XKR9: variants seen among roughly 807,000 people sequenced by gnomAD.
XKR9 encodes XK-related protein 9.
XKR9 carries 32 observed loss-of-function variants against 32.0 expected under a neutral mutation model. The ratio of observed to expected loss-of-function variants is 1.00; its 90% CI spans 0.76 to 1.34. The LOEUF (loss-of-function observed/expected upper bound fraction) is 1.34. XKR9 is among the 40% of genes most tolerant of loss of function. The pLI is 0.00. For synonymous variants in XKR9, 168 were observed against 143.4 expected (o/e 1.17, Z -1.22); for missense variants, 546 against 429.7 (o/e 1.27, Z -2.39).
chr8:70,950,755 C>A, the XKR9 span, among the ~76,000 whole-genome samples: 1 of 152,140 alleles, frequency 6.6e-6, no homozygotes, highest in African/African-American at 2.4e-5. Context: ...CTCACTGCAA[C>A]CTCCACCTCT....
chr8:70,860,899 T>C, the XKR9 span, among the ~76,000 whole-genome samples: 1 of 152,026 alleles, frequency 6.6e-6, no homozygotes, highest in Non-Finnish European at 1.5e-5. Flanking sequence ...TAGGATTATT[T>C]TGTGATTTAA....
the XKR9 span, among the ~76,000 whole-genome samples, chr8:70,897,231 G>A: frequency 6.6e-6 from 1 of 151,966 alleles, no homozygotes; most frequent in Admixed American, 6.6e-5. Flanking sequence ...TTTTTTTATG[G>A]TTGAATATAC....
the XKR9 span, among the ~76,000 whole-genome samples, chr8:70,919,675 T>C: frequency 6.6e-6 from 1 of 152,152 alleles, no homozygotes; most frequent in Non-Finnish European, 1.5e-5. Flanking sequence ...TCCCAGAGTA[T>C]GCATTTACAT....
the XKR9 span, among the ~76,000 whole-genome samples, chr8:70,895,493 T>C: frequency 6.6e-6 from 1 of 152,164 alleles, no homozygotes; most frequent in Non-Finnish European, 1.5e-5. Context: ...ATTTTAAGAA[T>C]CAGCTTAACA....
At chr8:70,921,311 G>A in the XKR9 span, among the ~76,000 whole-genome samples, 3 of 152,256 alleles carry the variant, frequency 2.0e-5, no homozygotes, top group South Asian at 4.1e-4. Context: ...GACCTTCAGG[G>A]ACCCTCCATG....
chr8:70,915,420 A>G, the XKR9 span, among the ~76,000 whole-genome samples: 1 of 152,130 alleles, frequency 6.6e-6, no homozygotes, highest in Non-Finnish European at 1.5e-5. Context: ...AATTCCTGCT[A>G]TAGTTAGCTA....
At chr8:70,900,815 C>T in the XKR9 span, among the ~76,000 whole-genome samples, 65 of 152,162 alleles carry the variant, frequency 4.3e-4, 1 homozygote, top group African/African-American at 1.4e-3. Flanking sequence ...CCCCTACCCC[C>T]GACCCCACTA....
the XKR9 span, among the ~76,000 whole-genome samples, chr8:70,968,350 T>A: frequency 6.6e-6 from 1 of 152,190 alleles, no homozygotes; most frequent in Non-Finnish European, 1.5e-5. Flanking sequence ...TATTTTATTG[T>A]GATTCTTAGC....
At chr8:70,673,286 C>T (rs1205478810) in intron 1 of XKR9, among the ~76,000 whole-genome samples, 1 of 152,158 alleles carries the variant, frequency 6.6e-6, no homozygotes, top group African/African-American at 2.4e-5. Flanking sequence ...TAAACTTTCA[C>T]TTGCACTTTC....
At chr8:70,890,635 G>T in the XKR9 span, among the ~76,000 whole-genome samples, 2 of 152,108 alleles carry the variant, frequency 1.3e-5, no homozygotes, top group Non-Finnish European at 2.9e-5. Flanking sequence ...AACCAGCCTT[G>T]TGTTCCTGGG....
At chr8:70,923,736 A>T in the XKR9 span, among the ~76,000 whole-genome samples, 2 of 152,076 alleles carry the variant, frequency 1.3e-5, no homozygotes, top group East Asian at 3.8e-4. Flanking sequence ...GGGGAAGCTG[A>T]GTTGGGGACA....
chr8:70,900,162 A>C, the XKR9 span, among the ~76,000 whole-genome samples: 3 of 152,186 alleles, frequency 2.0e-5, no homozygotes, highest in South Asian at 4.1e-4. Flanking sequence ...TTCTTTAGAA[A>C]GGTTACTTCC....
chr8:70,981,149 G>A, the XKR9 span, among the ~76,000 whole-genome samples: 1 of 152,102 alleles, frequency 6.6e-6, no homozygotes, highest in African/African-American at 2.4e-5. Flanking sequence ...AATTTCCCAG[G>A]TGTTCTTTGA....
chr8:70,753,556 G>C (rs898836061), intron 2 of XKR9, among the ~76,000 whole-genome samples: 1 of 152,102 alleles, frequency 6.6e-6, no homozygotes, highest in African/African-American at 2.4e-5. Flanking sequence ...ACATCAAAAA[G>C]CTTATCCACC....
chr8:70,991,734 T>C, the XKR9 span, among the ~76,000 whole-genome samples: 2 of 152,210 alleles, frequency 1.3e-5, no homozygotes, highest in Non-Finnish European at 1.5e-5. Context: ...CAACCATTTC[T>C]GTCAAATACT....
intron 2 of XKR9, among the ~76,000 whole-genome samples, chr8:70,758,279 T>C (rs1317360390): frequency 2.3e-5 from 3 of 130,918 alleles, no homozygotes. Flanking sequence ...CCAGTAGGTC[T>C]CTCTCTCACT....
At chr8:70,787,116 A>G (rs1283868692) in intron 2 of XKR9, among the ~76,000 whole-genome samples, 3 of 152,134 alleles carry the variant, frequency 2.0e-5, no homozygotes, top group Non-Finnish European at 4.4e-5. Context: ...TGGAAGAGAG[A>G]AATTTATTAT....
the XKR9 span, among the ~76,000 whole-genome samples, chr8:70,889,387 AT>A: frequency 6.6e-6 from 1 of 151,392 alleles, no homozygotes; most frequent in Non-Finnish European, 1.5e-5. Flanking sequence ...TTATTTTTTA[AT>A]TTTAAAAACT....
At chr8:70,854,757 C>T in the XKR9 span, among the ~76,000 whole-genome samples, 2 of 152,178 alleles carry the variant, frequency 1.3e-5, no homozygotes, top group Non-Finnish European at 2.9e-5. Flanking sequence ...CCAGTTTTCC[C>T]AGCACCATTT....
Sources: allele counts gnomAD v4.1 joint callset (sites outside exome capture counted in the v4.1 genomes callset), GRCh38; gene constraint gnomAD v4.1.1; transcripts MANE v1.5; gene names NCBI Gene and HGNC (gene_info 2026-07-23, HGNC 2026-07-21).